PLXNC1: variants seen among roughly 807,000 people sequenced by gnomAD.
PLXNC1 encodes plexin C1.
In PLXNC1, 75 loss-of-function variants were observed where a neutral mutation model predicts 178.2. The ratio of observed to expected loss-of-function variants is 0.42; its 90% CI spans 0.35 to 0.51. PLXNC1 has a LOEUF of 0.51. PLXNC1 is among the 20% of genes least tolerant of loss of function. The pLI, the probability that PLXNC1 is intolerant of heterozygous loss-of-function variation, is 0.02. For synonymous variants in PLXNC1, 790 were observed against 779.9 expected (o/e 1.01, Z -0.22); for missense variants, 1,503 against 1,984.4 (o/e 0.76, Z 4.61).
intron 28 of PLXNC1, among the ~76,000 whole-genome samples, chr12:94,303,279 AT>A (rs1968654203): frequency 6.6e-6 from 1 of 152,192 alleles, no homozygotes; most frequent in Non-Finnish European, 1.5e-5. Flanking sequence ...AAGCTGGAAA[AT>A]CTGCCTCTGC....
Position 94,148,928 on chromosome 12 carries a change from C to G in PLXNC1, c.-44C>G, listed in dbSNP as rs1451603503. The G allele has an allele frequency of 2.8e-5, 22 of 795,356 alleles. No individual in the cohort carries two copies. Among genetic ancestry groups the G allele is most frequent in the Non-Finnish European group, 3.4e-5 (21 of 613,148 alleles). The allele number at this position is 795,356 out of a possible 1,614,324, so 49.3% of individuals were successfully genotyped here. On this transcript the variant is annotated 5_prime_UTR_variant, in exon 1 of 31. Transcript: ENST00000258526. The surrounding 1 kb of genome is among the most constrained non-coding windows in gnomAD (Gnocchi z 4.8). ...CTCCGTTGCCGCGCGCCTGAGCCGC[C>G]GTCGCCGCCGCGCGCCCTGCCCGGG... is the stretch of plus-strand genomic sequence containing the variant.
Position 94,212,806 on chromosome 12 carries a change from G to A in PLXNC1, c.1554+3102G>A, listed in dbSNP as rs1289034211. Among the ~76,000 whole-genome samples the A allele has an allele frequency of 3.6e-4, 54 of 147,988 alleles. 1 individual carries two copies. The highest frequency in any genetic ancestry group is 1.0e-3 in the African/African-American group (41 of 39,992). ...ACGATCTTGGCTCACTGCAAGCTCCGCCTCCCAGGTTCATGCCATTCTCCT... is the reference window on the plus strand; with the variant it reads ...ACGATCTTGGCTCACTGCAAGCTCCACCTCCCAGGTTCATGCCATTCTCCT... On this transcript the variant is annotated intron_variant, in intron 5 of 30. Coordinates refer to ENST00000258526, the MANE Select transcript of PLXNC1 (RefSeq NM_005761.3).
intron 27 of PLXNC1, among the ~76,000 whole-genome samples, chr12:94,299,429 C>T (rs1384515720): frequency 6.6e-6 from 1 of 152,176 alleles, no homozygotes; most frequent in African/African-American, 2.4e-5. Context: ...TCAAGGCTTT[C>T]CAGGCACTGA....
At chr12:94,251,633 A>G in intron 15 of PLXNC1, 105 bp downstream of exon 15, 2 of 744,278 alleles carry the variant, frequency 2.7e-6, no homozygotes, top group Non-Finnish European at 4.9e-6. Flanking sequence ...TTAAGTATAA[A>G]TGGGTGAAAG....
At chr12:94,262,863 C>A in intron 20 of PLXNC1, 1 of 812,754 alleles carries the variant, frequency 1.2e-6, no homozygotes. Context: ...CCTATCTTTT[C>A]TCATTTCATC....
At position 94,305,461 on chromosome 12, in the gene PLXNC1, G is replaced by A. The variant is rs1968909550; in HGVS notation, c.*176G>A. 2 of 574,056 alleles carry A rather than the reference G, an allele frequency of 3.5e-6. No homozygotes were observed. The highest frequency in any genetic ancestry group is 2.2e-5 in the South Asian group (1 of 44,770). 35.6% of individuals were successfully genotyped at this position (574,056 alleles called of 1,614,324 possible). A position where few individuals can be genotyped will look rare whatever the true frequency, so the allele number is the denominator to read the frequency against. ...GCTTTTAGAAAGCATACCAACCCTT[G>A]TGCCTGTGTGTATACCGTGGGAACC... On this transcript the variant is annotated 3_prime_UTR_variant, in exon 31 of 31. Transcript: ENST00000258526.
At chr12:94,155,425 C>T (rs577261189) in intron 1 of PLXNC1, among the ~76,000 whole-genome samples, 2 of 152,298 alleles carry the variant, frequency 1.3e-5, no homozygotes, top group South Asian at 4.1e-4. Flanking sequence ...GATTTGAAGT[C>T]ATGCTTAGGT....
intron 17 of PLXNC1, among the ~76,000 whole-genome samples, chr12:94,259,054 A>C (rs1964928083): frequency 6.6e-6 from 1 of 152,164 alleles, no homozygotes; most frequent in African/African-American, 2.4e-5. Flanking sequence ...CTCTTAAATC[A>C]CTTCTTCTAA....
intron 1 of PLXNC1, among the ~76,000 whole-genome samples, chr12:94,154,053 A>G (rs1961061836): frequency 6.6e-6 from 1 of 152,240 alleles, no homozygotes; most frequent in Admixed American, 6.5e-5. Flanking sequence ...AATGGATTCA[A>G]AAAGGACAAT....
intron 5 of PLXNC1, among the ~76,000 whole-genome samples, chr12:94,214,856 C>G (rs1277748491): frequency 6.6e-6 from 1 of 151,772 alleles, no homozygotes; most frequent in Non-Finnish European, 1.5e-5. Flanking sequence ...TTAAGCCGTT[C>G]TTTGTAATAG....
rs1177940879 is a variant in PLXNC1 at position 94,272,536 on chromosome 12, A to G, written c.3598-6936A>G. On this transcript the variant is annotated intron_variant, in intron 21 of 30. Coordinates refer to ENST00000258526, the MANE Select transcript of PLXNC1 (RefSeq NM_005761.3). ...GGCCAGCTCTGGGTCACCATCTCCC[A>G]GTGCCTCCTGGCCCTGCCATCCTAG... Among the ~76,000 whole-genome samples the G allele has an allele frequency of 2.0e-5, 3 of 152,196 alleles. No individual in the cohort carries two copies. The East Asian group carries it at 5.8e-4, about 29-fold the overall frequency.
chr12:94,286,250 T>A (rs144521336), intron 23 of PLXNC1, among the ~76,000 whole-genome samples: 5 of 152,188 alleles, frequency 3.3e-5, no homozygotes, highest in African/African-American at 4.8e-5. Flanking sequence ...ATTCTCCTTA[T>A]GTTTAAAAAG....
chr12:94,210,313 G>T (rs1024730499), intron 5 of PLXNC1, among the ~76,000 whole-genome samples: 1 of 152,322 alleles, frequency 6.6e-6, no homozygotes, highest in East Asian at 1.9e-4. Flanking sequence ...TGAGAGAAGG[G>T]AGCAAGGAGC....
intron 21 of PLXNC1, among the ~76,000 whole-genome samples, chr12:94,278,794 G>C (rs1398193260): frequency 1.3e-5 from 2 of 152,104 alleles, no homozygotes; most frequent in African/African-American, 4.8e-5. Context: ...TCAGGACTTT[G>C]AGACCAGCCT....
chr12:94,236,303 G>C (rs1002587713), intron 9 of PLXNC1, among the ~76,000 whole-genome samples: 1 of 152,226 alleles, frequency 6.6e-6, no homozygotes, highest in Non-Finnish European at 1.5e-5. Context: ...GATGAGTGAT[G>C]GGGACGACTG....
intron 6 of PLXNC1, among the ~76,000 whole-genome samples, chr12:94,221,631 A>G (rs1963798222): frequency 6.6e-6 from 1 of 152,218 alleles, no homozygotes; most frequent in Non-Finnish European, 1.5e-5. Flanking sequence ...CTATAACAAA[A>G]TACCTTAGAC....
Position 94,241,313 on chromosome 12 carries a change from T to A in PLXNC1, c.2300+649T>A, listed in dbSNP as rs114572015. On this transcript the variant is annotated intron_variant, in intron 11 of 30. Transcript: ENST00000258526. ...ATATGTAATCATCAAATCAGGGTAATTGGAGTATCCATCACCTCAAGCACT... is the reference window on the plus strand; with the variant it reads ...ATATGTAATCATCAAATCAGGGTAAATGGAGTATCCATCACCTCAAGCACT... 3.7e-3 allele frequency among the ~76,000 whole-genome samples: 561 copies of A among 152,338 alleles called. 1 individual carries two copies. The highest frequency in any genetic ancestry group is 0.013 in the African/African-American group (535 of 41,576).
At chr12:94,254,587 A>G in intron 15 of PLXNC1, 200 bp from the exon 16 acceptor site, 2 of 691,092 alleles carry the variant, frequency 2.9e-6, no homozygotes, top group Middle Eastern at 4.7e-4. Flanking sequence ...CTTCCTCTTC[A>G]GAGTGACCCC....
At chr12:94,194,646 C>G (rs1962851355) in intron 4 of PLXNC1, among the ~76,000 whole-genome samples, 1 of 152,164 alleles carries the variant, frequency 6.6e-6, no homozygotes, top group South Asian at 2.1e-4. Context: ...CCCAGCTACT[C>G]TGGAGGCTGA....
Sources: gnomAD v4.1 joint callset for allele counts (sites outside exome capture counted in the v4.1 genomes callset) on GRCh38, gnomAD v4.1.1 for gene constraint, Gnocchi (gnomAD v3.1) non-coding constraint, MANE v1.5 for transcripts, NCBI Gene and HGNC (gene_info 2026-07-23, HGNC 2026-07-21) for gene names.